Variants in UTRN observed in about 807,000 individuals in gnomAD.
The protein encoded by UTRN is utrophin, also known as dystrophin-related protein 1.
In UTRN, 283 loss-of-function variants were observed where a neutral mutation model predicts 463.9. That is an observed-to-expected ratio of 0.61 (90% CI 0.55 to 0.67). The LOEUF is 0.67. Among genes scored for constraint, UTRN ranks in the 30% least tolerant of loss-of-function variants. The pLI is 0.00. For missense variants in UTRN, 3,922 were observed against 4,084.3 expected (o/e 0.96, Z 1.08); for synonymous variants, 1,442 against 1,431.5 (o/e 1.01, Z -0.17).
At chr6:144,749,612 C>G (rs1039577911) in intron 55 of UTRN, among the ~76,000 whole-genome samples, 1 of 152,108 alleles carries the variant, frequency 6.6e-6, no homozygotes, top group African/African-American at 2.4e-5. Flanking sequence ...TGCTTTATCT[C>G]GAGCCCCTTA....
chr6:144,617,372 A>G (rs182318981), intron 51 of UTRN, among the ~76,000 whole-genome samples: 1 of 152,326 alleles, frequency 6.6e-6, no homozygotes, highest in Admixed American at 6.5e-5. Context: ...CATCATCATG[A>G]TTTCACATGA....
Position 144,403,192 on chromosome 6 carries a change from A to T in UTRN, c.141+8A>T. ...AATGCTCGATTTTCAAAGGTAACTG[A>T]GACTTTCAAAAACTTCGATGGTTCA... On this transcript the variant is annotated splice_region_variant and intron_variant, in intron 3 of 74. Coordinates refer to ENST00000367545, the MANE Select transcript of UTRN (RefSeq NM_007124.3). 2 of 1,612,192 alleles carry T rather than the reference A, an allele frequency of 1.2e-6. No homozygotes were observed. Among genetic ancestry groups the T allele is most frequent in the Non-Finnish European group, 1.7e-6 (2 of 1,178,834 alleles).
Position 144,516,837 on chromosome 6 carries a change from G to T in UTRN, c.5430G>T (p.Glu1810Asp). 1 of 1,503,060 alleles carries T rather than the reference G, an allele frequency of 6.7e-7. No homozygotes were observed. The highest frequency in any genetic ancestry group is 8.8e-7 in the Non-Finnish European group (1 of 1,131,324). The allele number at this position is 1,503,060 out of a possible 1,614,324, so 93.1% of individuals were successfully genotyped here. The change falls in exon 39 of 75, where the codon GAG (glutamate) becomes GAT (aspartate). Residue 1810 changes from glutamate to aspartate, a missense_variant. Coordinates refer to ENST00000367545, the MANE Select transcript of UTRN (RefSeq NM_007124.3). The part of the protein sequence containing the change: ...EKMDEESAQI[E>D]EVLQRGEEML... Reference sequence around the variant, plus strand: ...TGGATGAGGAGAGTGCCCAGATTGAGGAAGTTCTACAAAGAGGAGAAGAAA... The same window carrying T: ...TGGATGAGGAGAGTGCCCAGATTGATGAAGTTCTACAAAGAGGAGAAGAAA...
rs150243079 is a variant in UTRN at position 144,461,240 on chromosome 6, A to C, written c.2751A>C (p.Lys917Asn). 1.9e-5 allele frequency: 30 copies of C among 1,608,686 alleles called. No homozygotes were observed. Among genetic ancestry groups the C allele is most frequent in the Non-Finnish European group, 2.5e-5 (29 of 1,176,966 alleles). ...QPGHAYLETL[K>N]TLKDVLNDSE... ...GACATGCATATCTGGAAACATTGAA[A>C]ACACTGAAAGATGTGCTAAATGATT... The change falls in exon 22 of 75, where the codon AAA (lysine) becomes AAC (asparagine). Residue 917 changes from lysine to asparagine, a missense_variant. Lys to Asn is a moderately conservative substitution (Grantham distance 94). Around this residue, in one of 3 missense-constraint regions of UTRN, gnomAD observed 2,349 missense variants for 2,303.8 expected, o/e 1.02. Transcript: ENST00000367545.
At chr6:144,448,523 AAG>A (rs990018142) in intron 16 of UTRN, 75 bp from the exon 17 acceptor site, 151 of 1,510,734 alleles carry the variant, frequency 1.0e-4, no homozygotes, top group Non-Finnish European at 1.5e-5. Flanking sequence ...ATTTCAAAGA[AAG>A]AATTTTATAG....
At chr6:144,390,222 T>A (rs1781785338) in intron 2 of UTRN, among the ~76,000 whole-genome samples, 1 of 152,234 alleles carries the variant, frequency 6.6e-6, no homozygotes, top group Middle Eastern at 3.4e-3. Flanking sequence ...ATCATGCCCA[T>A]CCACCTCACC....
chr6:144,432,483 C>T (rs973207758), intron 9 of UTRN, among the ~76,000 whole-genome samples: 7 of 152,116 alleles, frequency 4.6e-5, no homozygotes, highest in South Asian at 2.1e-4. Context: ...TCAGCAGGTA[C>T]GTCTTATGAT....
At chr6:144,729,892 T>C (rs1788336508) in intron 53 of UTRN, among the ~76,000 whole-genome samples, 1 of 152,274 alleles carries the variant, frequency 6.6e-6, no homozygotes, top group South Asian at 2.1e-4. Context: ...CTTCATTTTT[T>C]TTTCTTAATG....
intron 53 of UTRN, among the ~76,000 whole-genome samples, chr6:144,719,100 TC>T (rs1786819948): frequency 1.3e-5 from 2 of 152,354 alleles, no homozygotes; most frequent in South Asian, 4.1e-4. Flanking sequence ...GCTGCTTTCT[TC>T]CACAGACCTA....
chr6:144,339,527 A>G (rs959558461), intron 2 of UTRN, among the ~76,000 whole-genome samples: 2 of 152,106 alleles, frequency 1.3e-5, no homozygotes, highest in East Asian at 3.8e-4. Context: ...AGTTGGATGA[A>G]GGGAACATGA....
intron 63 of UTRN, 97 bp downstream of exon 63, chr6:144,794,088 A>T (rs1367576763): frequency 3.4e-6 from 5 of 1,488,634 alleles, no homozygotes; most frequent in Non-Finnish European, 4.5e-6. Context: ...GGAGCCAAAT[A>T]CTGGAAGACT....
chr6:144,576,229 T>C (rs980793699), intron 50 of UTRN, among the ~76,000 whole-genome samples: 3 of 152,180 alleles, frequency 2.0e-5, no homozygotes, highest in African/African-American at 7.2e-5. Context: ...TGTACAAGTT[T>C]TTCTGTGGAA....
chr6:144,575,635 TATC>T (rs1801366217), intron 50 of UTRN, among the ~76,000 whole-genome samples: 1 of 152,156 alleles, frequency 6.6e-6, no homozygotes, highest in Admixed American at 6.5e-5. Flanking sequence ...TATTAGTTAT[TATC>T]ATCAATGTCT....
chr6:144,797,569 T>C (rs1777338785), intron 63 of UTRN, among the ~76,000 whole-genome samples: 1 of 152,234 alleles, frequency 6.6e-6, no homozygotes, highest in Admixed American at 6.5e-5. Flanking sequence ...CTTTTGTTTC[T>C]TTCAAAATCT....
chr6:144,616,621 A>T (rs1325649578), intron 51 of UTRN, among the ~76,000 whole-genome samples: 2 of 152,074 alleles, frequency 1.3e-5, no homozygotes, highest in African/African-American at 4.8e-5. Context: ...ACCAAAGTGA[A>T]CATCTTTGGT....
chr6:144,485,073 G>A lies in UTRN; in HGVS notation c.3688-312G>A, dbSNP rs530895720. Among the ~76,000 whole-genome samples the A allele has an allele frequency of 4.5e-3, 676 of 151,378 alleles. 4 individuals carry two copies. Among genetic ancestry groups the A allele is most frequent in the African/African-American group, 0.016 (654 of 41,330 alleles). ...ACTACAGGCATCCGCCACCACACCCGGCTAATATTTTTATATATATATATA... is the reference window on the plus strand; with the variant it reads ...ACTACAGGCATCCGCCACCACACCCAGCTAATATTTTTATATATATATATA... On this transcript the variant is annotated intron_variant, in intron 27 of 74. Coordinates refer to ENST00000367545, the MANE Select transcript of UTRN (RefSeq NM_007124.3).
chr6:144,455,554 C>A (rs1788733296), intron 19 of UTRN, among the ~76,000 whole-genome samples: 1 of 152,098 alleles, frequency 6.6e-6, no homozygotes, highest in Non-Finnish European at 1.5e-5. Flanking sequence ...TGAATTTACT[C>A]CCATTTCTGT....
At chr6:144,300,112 C>T (rs1467573829) in intron 2 of UTRN, among the ~76,000 whole-genome samples, 2 of 147,192 alleles carry the variant, frequency 1.4e-5, no homozygotes, top group Admixed American at 1.4e-4. Flanking sequence ...GAGCCGTAGT[C>T]TTCCTCTTGC....
rs1189781063 is a variant in UTRN, at chr6:144,537,634, A to C, written c.6286A>C (p.Ile2096Leu). ...GAAGTACAGGCATCAGCTAGATGAG[A>C]TTATCTGTTGGTTAACAAAGGCTGA... ...VMKYRHQLDE[I>L]ICWLTKAEHA... The change falls in exon 44 of 75, where the codon ATT becomes CTT. Residue 2096 changes from isoleucine (I) to leucine (L), a missense_variant. Coordinates refer to ENST00000367545, the MANE Select transcript of UTRN (RefSeq NM_007124.3). 4.3e-6 allele frequency: 7 copies of C among 1,612,654 alleles called. No homozygotes were observed. The East Asian group carries it at 1.3e-4, about 31-fold the overall frequency.
Sources: gnomAD v4.1 joint callset for allele counts (sites outside exome capture counted in the v4.1 genomes callset) on GRCh38, gnomAD v4.1.1 for gene constraint, gnomAD v4.1.1 regional missense constraint, MANE v1.5 for transcripts, NCBI Gene and HGNC (gene_info 2026-07-23, HGNC 2026-07-21) for gene names.